The following GALNT14 variants were observed in gnomAD, a reference collection of about 807,000 sequenced individuals.
The protein encoded by GALNT14 is polypeptide N-acetylgalactosaminyltransferase 14, also known as UDP-GalNAc:polypeptide N-acetylgalactosaminyltransferase 14.
GALNT14 carries 60 observed loss-of-function variants against 77.5 expected under a neutral mutation model. The observed-to-expected ratio is 0.77, with a 90% CI of 0.63 to 0.96. The LOEUF (loss-of-function observed/expected upper bound fraction) is 0.96, where lower values mean the gene tolerates loss of function less well. Ranked by LOEUF, GALNT14 falls within the 40% of genes least tolerant of loss-of-function variation. The pLI, the probability that GALNT14 is intolerant of heterozygous loss-of-function variation, is 0.00. For synonymous variants in GALNT14, 280 were observed against 281.7 expected (o/e 0.99, Z 0.06); for missense variants, 710 against 731.0 (o/e 0.97, Z 0.33).
At chr2:31,062,926 T>G (rs905282843) in intron 1 of GALNT14, among the ~76,000 whole-genome samples, 13 of 152,356 alleles carry the variant, frequency 8.5e-5, no homozygotes, top group Admixed American at 7.2e-4. Flanking sequence ...TTTACTCTTG[T>G]AAATTTGCTT....
chr2:30,993,284 T>C (rs1669829908), intron 1 of GALNT14, among the ~76,000 whole-genome samples: 2 of 152,208 alleles, frequency 1.3e-5, no homozygotes, highest in Non-Finnish European at 2.9e-5. Flanking sequence ...AGCAATTCTA[T>C]GAGAGGGATG....
intron 1 of GALNT14, chr2:31,126,665 T>C (rs1553381903): frequency 6.6e-6 from 1 of 152,226 alleles, no homozygotes; most frequent in Non-Finnish European, 1.5e-5. Flanking sequence ...TTCTATTCTC[T>C]GCAATCACAC....
At chr2:30,977,476 G>A (rs1033622476) in intron 2 of GALNT14, among the ~76,000 whole-genome samples, 1 of 152,142 alleles carries the variant, frequency 6.6e-6, no homozygotes, top group African/African-American at 2.4e-5. Context: ...TCCCTCACTT[G>A]CTAAAGCATA....
the GALNT14 span, among the ~76,000 whole-genome samples, chr2:30,888,680 A>G: frequency 6.6e-6 from 1 of 152,184 alleles, no homozygotes; most frequent in Admixed American, 6.5e-5. Context: ...AAGGAGGAGA[A>G]TAAGCCTGTT....
chr2:30,927,302 A>G (rs1405244336), intron 11 of GALNT14, among the ~76,000 whole-genome samples: 2 of 152,158 alleles, frequency 1.3e-5, no homozygotes, highest in African/African-American at 2.4e-5. Flanking sequence ...TAGTTTGGGA[A>G]TCTCCTTGGT....
chr2:30,942,432 A>G (rs147205819), intron 8 of GALNT14, 128 bp from the exon 9 acceptor site: 9,993 of 653,630 alleles, frequency 0.015, 160 homozygotes, highest in South Asian at 0.045. Context: ...GAGGGAAGAA[A>G]ACTCTCATTT....
intron 1 of GALNT14, among the ~76,000 whole-genome samples, chr2:31,136,974 G>A (rs773447128): frequency 6.6e-5 from 10 of 152,018 alleles, no homozygotes; most frequent in Non-Finnish European, 1.5e-4. Context: ...CTCCTCCAAG[G>A]CTTTTGCCCA....
intron 8 of GALNT14, among the ~76,000 whole-genome samples, chr2:30,943,918 C>CTAG (rs1269299074): frequency 6.6e-6 from 1 of 152,176 alleles, no homozygotes; most frequent in Non-Finnish European, 1.5e-5. Context: ...TTAGCTCTTG[C>CTAG]TAGTCCCTTT....
intron 1 of GALNT14, among the ~76,000 whole-genome samples, chr2:31,068,143 G>GGA (rs1675103269): frequency 6.6e-6 from 1 of 152,278 alleles, no homozygotes; most frequent in Admixed American, 6.5e-5. Flanking sequence ...CAGACCAGCA[G>GGA]ACCCCTATGT....
At chr2:30,903,751 T>A in the GALNT14 span, among the ~76,000 whole-genome samples, 1 of 152,230 alleles carries the variant, frequency 6.6e-6, no homozygotes, top group Non-Finnish European at 1.5e-5. Context: ...TAGATGTGTG[T>A]TGCTTTAGGC....
chr2:30,936,683 A>G (rs1186915863), intron 9 of GALNT14, among the ~76,000 whole-genome samples: 1 of 152,180 alleles, frequency 6.6e-6, no homozygotes, highest in Non-Finnish European at 1.5e-5. Flanking sequence ...ATTACTCTTT[A>G]ATGAATGAAG....
At chr2:31,003,695 G>T (rs746485845) in intron 1 of GALNT14, among the ~76,000 whole-genome samples, 1 of 152,214 alleles carries the variant, frequency 6.6e-6, no homozygotes, top group Non-Finnish European at 1.5e-5. Context: ...CAGCTTTCTG[G>T]AAGAAGAAAA....
chr2:30,962,973 C>T (rs1667783340), intron 3 of GALNT14, among the ~76,000 whole-genome samples: 1 of 152,118 alleles, frequency 6.6e-6, no homozygotes, highest in African/African-American at 2.4e-5. Flanking sequence ...TCTTTCCTGC[C>T]TCCACCCCTA....
At position 31,138,193 on chromosome 2, in the gene GALNT14, T is replaced by A; in HGVS notation, c.-107A>T. The A allele has an allele frequency of 7.0e-7, 1 of 1,421,822 alleles. No individual in the cohort carries two copies. Among genetic ancestry groups the A allele is most frequent in the Non-Finnish European group, 9.6e-7 (1 of 1,036,416 alleles). 88.1% of individuals were successfully genotyped at this position (1,421,822 alleles called of 1,614,324 possible). Reference sequence around the variant, plus strand: ...TGGCGAGCGCCTCGCTCTGGGGAGCTCTAGACCCAGGATCCGGTTGGAGGG... The same window carrying A: ...TGGCGAGCGCCTCGCTCTGGGGAGCACTAGACCCAGGATCCGGTTGGAGGG... On this transcript the variant is annotated 5_prime_UTR_variant, in exon 1 of 15. Transcript: ENST00000349752.
chr2:30,972,246 C>T (rs1320079912), intron 2 of GALNT14, among the ~76,000 whole-genome samples: 1 of 152,200 alleles, frequency 6.6e-6, no homozygotes, highest in Non-Finnish European at 1.5e-5. Flanking sequence ...GGCTCCGAAT[C>T]TTAAAGGTGG....
chr2:31,062,009 C>A (rs11685962), intron 1 of GALNT14, among the ~76,000 whole-genome samples: 4,004 of 152,170 alleles, frequency 0.026, 172 homozygotes, highest in East Asian at 0.22. Flanking sequence ...TCAATAAATT[C>A]TTTTTGTTGT....
At chr2:31,026,976 C>T (rs1271420903) in intron 1 of GALNT14, among the ~76,000 whole-genome samples, 7 of 152,288 alleles carry the variant, frequency 4.6e-5, no homozygotes, top group Middle Eastern at 3.4e-3. Context: ...AATGAAACTC[C>T]TTTTTTACCT....
At chr2:31,134,029 C>T (rs756138638) in intron 1 of GALNT14, among the ~76,000 whole-genome samples, 4 of 152,164 alleles carry the variant, frequency 2.6e-5, no homozygotes, top group African/African-American at 4.8e-5. Context: ...TGGGGCCCAG[C>T]GACCAGAGAT....
At chr2:31,101,963 T>C (rs1387635144) in intron 1 of GALNT14, among the ~76,000 whole-genome samples, 1 of 152,070 alleles carries the variant, frequency 6.6e-6, no homozygotes, top group East Asian at 1.9e-4. Context: ...TGCTGCTTCA[T>C]GTGAAGAAGG....
Sources: allele counts gnomAD v4.1 joint callset (sites outside exome capture counted in the v4.1 genomes callset), GRCh38; gene constraint gnomAD v4.1.1; transcripts MANE v1.5; gene names NCBI Gene and HGNC (gene_info 2026-07-23, HGNC 2026-07-21).